Variants in TTC12 observed in about 807,000 individuals in gnomAD.
The protein encoded by TTC12 is tetratricopeptide repeat domain 12.
TTC12 carries 70 observed loss-of-function variants against 90.1 expected under a neutral mutation model. The observed-to-expected ratio is 0.78, with a 90% CI of 0.64 to 0.95. The LOEUF (loss-of-function observed/expected upper bound fraction) is 0.95, where lower values mean the gene tolerates loss of function less well. TTC12 is among the 40% of genes least tolerant of loss of function. The pLI, the probability that TTC12 is intolerant of heterozygous loss-of-function variation, is 0.00. For missense variants in TTC12, 819 were observed against 846.1 expected (o/e 0.97, Z 0.40); for synonymous variants, 296 against 311.5 (o/e 0.95, Z 0.53).
chr11:113,315,144 G>A (rs1946850189), intron 1 of TTC12: 2 of 121,840 alleles, frequency 1.6e-5, no homozygotes, highest in East Asian at 4.8e-4. Flanking sequence ...ATTTGACCTG[G>A]AAGAAACCCT....
chr11:113,333,488 G>A (rs1943621), intron 7 of TTC12, among the ~76,000 whole-genome samples: 2,746 of 152,112 alleles, frequency 0.018, 95 homozygotes, highest in African/African-American at 0.062. Flanking sequence ...AGGAGATTTG[G>A]TGTCATTTTT....
At chr11:113,342,047 C>T (rs1381328722) in intron 12 of TTC12, 122 bp downstream of exon 12, 4 of 785,302 alleles carry the variant, frequency 5.1e-6, no homozygotes, top group African/African-American at 3.4e-5. Flanking sequence ...CTTCCGCACA[C>T]ACCCACTCCC....
intron 13 of TTC12, among the ~76,000 whole-genome samples, chr11:113,345,620 G>A (rs1371323834): frequency 6.6e-6 from 1 of 152,160 alleles, no homozygotes; most frequent in Non-Finnish European, 1.5e-5. Flanking sequence ...AGGCCCAGTC[G>A]CAGCCTCAGT....
intron 16 of TTC12, among the ~76,000 whole-genome samples, chr11:113,358,456 C>G (rs528722734): frequency 3.9e-5 from 6 of 152,280 alleles, no homozygotes; most frequent in African/African-American, 1.4e-4. Flanking sequence ...CCAGAGCCCC[C>G]AAGACTGCTC....
At chr11:113,340,554 G>C (rs781806400) in intron 10 of TTC12, 110 bp from the exon 11 acceptor site, 2 of 770,576 alleles carry the variant, frequency 2.6e-6, no homozygotes, top group Non-Finnish European at 4.7e-6. Flanking sequence ...ATTCACGTGG[G>C]TACCGTGGCA....
intron 7 of TTC12, among the ~76,000 whole-genome samples, chr11:113,333,739 A>G (rs1470619143): frequency 7.9e-5 from 12 of 152,194 alleles, no homozygotes; most frequent in African/African-American, 1.9e-4. Flanking sequence ...TATGACTTCC[A>G]TTCACTTAGC....
At chr11:113,343,281 G>A (rs1224625400) in intron 12 of TTC12, among the ~76,000 whole-genome samples, 1 of 152,198 alleles carries the variant, frequency 6.6e-6, no homozygotes, top group African/African-American at 2.4e-5. Context: ...AACTAACTCT[G>A]TGTTGTTTGA....
intron 21 of TTC12, chr11:113,371,456 G>T (rs1337103604): frequency 2.6e-5 from 4 of 151,974 alleles, no homozygotes; most frequent in Non-Finnish European, 5.9e-5. Context: ...TGCAAATTTG[G>T]AACCCGAGGG....
In TTC12 at chr11:113,341,819, C is replaced by T. The variant is rs2137998805; in HGVS notation, c.897-18C>T. ...TGATTTTCAGACTTTTAAGATAGCTCTCCTTTGTCCATTCTAGGTGTTTTT... is the reference window on the plus strand; with the variant it reads ...TGATTTTCAGACTTTTAAGATAGCTTTCCTTTGTCCATTCTAGGTGTTTTT... On this transcript the variant is annotated intron_variant, in intron 11 of 21. Transcript: ENST00000529221. 1.9e-6 allele frequency: 3 copies of T among 1,591,374 alleles called. No individual in the cohort carries two copies. The highest frequency in any genetic ancestry group is 1.7e-4 in the Middle Eastern group (1 of 6,016).
intron 9 of TTC12, 67 bp from the exon 10 acceptor site, chr11:113,339,219 G>A: frequency 7.6e-7 from 1 of 1,321,630 alleles, no homozygotes; most frequent in Non-Finnish European, 1.0e-6. Context: ...GAAAAAAAAA[G>A]GTTGCTTCTT....
chr11:113,335,967 C>T (rs1321242965), intron 8 of TTC12, among the ~76,000 whole-genome samples: 2 of 152,094 alleles, frequency 1.3e-5, no homozygotes, highest in Non-Finnish European at 2.9e-5. Flanking sequence ...CGTATGGTAA[C>T]TCTATGTTTA....
intron 13 of TTC12, among the ~76,000 whole-genome samples, chr11:113,348,159 C>T (rs186856797): frequency 2.6e-5 from 4 of 152,218 alleles, no homozygotes; most frequent in Non-Finnish European, 5.9e-5. Context: ...ACATCTCTAT[C>T]ACAACATCCA....
intron 21 of TTC12, chr11:113,373,020 C>T (rs1950425809): frequency 5.7e-6 from 1 of 174,582 alleles, no homozygotes; most frequent in African/African-American, 2.4e-5. Flanking sequence ...TACACATCCA[C>T]AAAGCCCCAA....
At chr11:113,363,977 C>G in intron 20 of TTC12, 50 bp downstream of exon 20, 1 of 1,313,796 alleles carries the variant, frequency 7.6e-7, no homozygotes, top group Non-Finnish European at 1.1e-6. Flanking sequence ...GTTCATCCAC[C>G]CTTGAAGCTG....
Position 113,325,608 on chromosome 11 carries a change from T to A in TTC12, c.407T>A (p.Leu136Gln). Reference sequence around the variant, plus strand: ...CGCTACAGTGAGGGTTTGGAGAAGCTGAAGGACATGAAAGTGCTGTACACC... The same window carrying A: ...CGCTACAGTGAGGGTTTGGAGAAGCAGAAGGACATGAAAGTGCTGTACACC... Reference protein sequence around the residue: ...ILRYSEGLEKLKDMKVLYTNR... With the variant: ...ILRYSEGLEKQKDMKVLYTNR... The change falls in exon 6 of 22, where the codon CTG becomes CAG. Residue 136 changes from leucine to glutamine, a missense_variant. Transcript: ENST00000529221. 6.2e-7 allele frequency: 1 copy of A among 1,613,984 alleles called. No individual in the cohort carries two copies. The highest frequency in any genetic ancestry group is 8.5e-7 in the Non-Finnish European group (1 of 1,179,860).
In TTC12 at chr11:113,359,991, G is replaced by C. The variant is rs1555154153; in HGVS notation, c.1597G>C (p.Asp533His). ...RRCLSLLNSQ[D>H]GGILTRAAGV... Reference sequence around the variant, plus strand: ...GTGCCTGTCTTTACTAAACAGCCAGGATGGAGGAATCCTGACAGTAAGTTT... The same window carrying C: ...GTGCCTGTCTTTACTAAACAGCCAGCATGGAGGAATCCTGACAGTAAGTTT... The change falls in exon 18 of 22, where the codon GAT (aspartate) becomes CAT (histidine). Residue 533 changes from aspartate to histidine, a missense_variant. Physicochemically the swap from Asp to His is moderately conservative, Grantham distance 81. Coordinates refer to ENST00000529221, the MANE Select transcript of TTC12 (RefSeq NM_017868.4). 6.3e-7 allele frequency: 1 copy of C among 1,598,524 alleles called. No individual in the cohort carries two copies. Among genetic ancestry groups the C allele is most frequent in the Non-Finnish European group, 8.5e-7 (1 of 1,172,778 alleles).
rs567582970 is a variant in TTC12 at position 113,324,536 on chromosome 11, T to C, written c.245-69T>C. 4.4e-5 allele frequency: 60 copies of C among 1,357,898 alleles called. No individual in the cohort carries two copies. In the East Asian group the frequency reaches 1.3e-3, roughly 29 times the overall value. 84.1% of individuals were successfully genotyped at this position (1,357,898 alleles called of 1,614,324 possible). A position where few individuals can be genotyped will look rare whatever the true frequency, so the allele number is the denominator to read the frequency against. On this transcript the variant is annotated intron_variant, in intron 4 of 21. Transcript: ENST00000529221. ...TGTGGCTCTAAAGTAACACTTCGAA[T>C]TTGAGCTAAAGAACTGATTATAGTA...
intron 12 of TTC12, among the ~76,000 whole-genome samples, chr11:113,343,134 A>G (rs77467558): frequency 0.014 from 2,164 of 152,324 alleles, 48 homozygotes; most frequent in African/African-American, 0.047. Flanking sequence ...TAAGGACATG[A>G]AAATATGTCA....
At chr11:113,365,943 G>C (rs1198744399) in intron 21 of TTC12, among the ~76,000 whole-genome samples, 1 of 152,194 alleles carries the variant, frequency 6.6e-6, no homozygotes, top group Admixed American at 6.5e-5. Context: ...CTTCAAAGTG[G>C]CAACCTATGG....
Sources: allele counts gnomAD v4.1 joint callset (sites outside exome capture counted in the v4.1 genomes callset), GRCh38; gene constraint gnomAD v4.1.1; transcripts MANE v1.5; gene names NCBI Gene and HGNC (gene_info 2026-07-23, HGNC 2026-07-21).